TRAPPC9: variants seen among roughly 807,000 people sequenced by gnomAD.
TRAPPC9 encodes IKK2 binding protein.
TRAPPC9 carries 83 observed loss-of-function variants against 124.0 expected under a neutral mutation model. The ratio of observed to expected loss-of-function variants is 0.67; its 90% CI spans 0.56 to 0.80. The LOEUF (loss-of-function observed/expected upper bound fraction) is 0.80. Among genes scored for constraint, TRAPPC9 ranks in the 30% least tolerant of loss-of-function variants. TRAPPC9 has a pLI of 0.00. For missense variants in TRAPPC9, 1,302 were observed against 1,508.3 expected (o/e 0.86, Z 2.27); for synonymous variants, 638 against 617.5 (o/e 1.03, Z -0.49).
At chr8:140,075,425 A>AC (rs1360455909) in intron 17 of TRAPPC9, among the ~76,000 whole-genome samples, 1 of 151,974 alleles carries the variant, frequency 6.6e-6, no homozygotes, top group East Asian at 1.9e-4. Flanking sequence ...TCAGACCTCA[A>AC]CTCTGTCATT....
chr8:139,784,875 G>A (rs567457146), intron 21 of TRAPPC9, among the ~76,000 whole-genome samples: 1 of 151,888 alleles, frequency 6.6e-6, no homozygotes, highest in Non-Finnish European at 1.5e-5. Context: ...AAAGATGTCA[G>A]TTCTCCCCAG....
chr8:140,106,216 G>A (rs1338573219), intron 17 of TRAPPC9, among the ~76,000 whole-genome samples: 2 of 152,072 alleles, frequency 1.3e-5, no homozygotes, highest in South Asian at 2.1e-4. Flanking sequence ...CCATCAGATC[G>A]TGCCATCAGA....
At chr8:139,862,415 G>C (rs1326933461) in intron 21 of TRAPPC9, among the ~76,000 whole-genome samples, 1 of 152,272 alleles carries the variant, frequency 6.6e-6, no homozygotes, top group Non-Finnish European at 1.5e-5. Flanking sequence ...GCCATCCAGT[G>C]ACGGAGCACC....
intron 17 of TRAPPC9, among the ~76,000 whole-genome samples, chr8:140,202,344 G>T (rs1163708579): frequency 6.6e-6 from 1 of 151,954 alleles, no homozygotes; most frequent in Non-Finnish European, 1.5e-5. Context: ...AACAGAAAAG[G>T]GAAATAAAAC....
chr8:140,181,560 G>T (rs1451294825), intron 17 of TRAPPC9, among the ~76,000 whole-genome samples: 1 of 152,230 alleles, frequency 6.6e-6, no homozygotes, highest in East Asian at 1.9e-4. Context: ...CAAAGTGCTG[G>T]AATTACAGGT....
chr8:139,871,264 T>C (rs958659262), intron 21 of TRAPPC9, among the ~76,000 whole-genome samples: 1 of 152,208 alleles, frequency 6.6e-6, no homozygotes, highest in Non-Finnish European at 1.5e-5. Flanking sequence ...TGGGTAGGCA[T>C]AGGGCATGCT....
intron 2 of TRAPPC9, among the ~76,000 whole-genome samples, chr8:140,443,305 G>GCA (rs2071108912): frequency 1.4e-5 from 2 of 146,706 alleles, no homozygotes; most frequent in Admixed American, 1.4e-4. Flanking sequence ...GCGTGGTGGT[G>GCA]GGCGCCTGTA....
At chr8:139,805,571 C>T (rs207470031) in intron 21 of TRAPPC9, among the ~76,000 whole-genome samples, 2 of 152,132 alleles carry the variant, frequency 1.3e-5, no homozygotes, top group Non-Finnish European at 2.9e-5. Flanking sequence ...CTCTGGGAGT[C>T]GGGGCTGGCC....
intron 17 of TRAPPC9, among the ~76,000 whole-genome samples, chr8:140,168,739 C>T (rs533509395): frequency 6.6e-6 from 1 of 152,204 alleles, no homozygotes; most frequent in Non-Finnish European, 1.5e-5. Flanking sequence ...TCCAGGGGAA[C>T]AGGCCTGGGG....
At chr8:140,410,500 C>T (rs60936852) in intron 5 of TRAPPC9, among the ~76,000 whole-genome samples, 1 of 152,058 alleles carries the variant, frequency 6.6e-6, no homozygotes, top group East Asian at 1.9e-4. Context: ...CATGCCACTG[C>T]ACTCCAGCCT....
At chr8:140,044,413 G>A (rs1841457710) in intron 17 of TRAPPC9, among the ~76,000 whole-genome samples, 1 of 152,172 alleles carries the variant, frequency 6.6e-6, no homozygotes, top group Non-Finnish European at 1.5e-5. Context: ...TGGCTTGGAT[G>A]TGCAACTTGC....
chr8:139,839,311 G>A (rs1771013489), intron 21 of TRAPPC9, among the ~76,000 whole-genome samples: 1 of 152,240 alleles, frequency 6.6e-6, no homozygotes, highest in African/African-American at 2.4e-5. Flanking sequence ...ACTCTGGAAT[G>A]AGACACCGGG....
intron 20 of TRAPPC9, among the ~76,000 whole-genome samples, chr8:139,896,674 ACCTGGAAACCAGGAG>A (rs1319736241): frequency 6.6e-6 from 1 of 152,194 alleles, no homozygotes; most frequent in Non-Finnish European, 1.5e-5. Context: ...CTCACCGTAA[ACCTGGAAACCAGGAG>A]CCATGAGTCC....
rs578250753 is a variant in TRAPPC9, at chr8:140,169,117, G to A, written c.2556+52342C>T. Among the ~76,000 whole-genome samples, 37 of 150,638 alleles carry A rather than the reference G, an allele frequency of 2.5e-4. No homozygotes were observed. The South Asian group carries it at 7.7e-3, about 32-fold the overall frequency. ...AGCCTGTACATCTCTGAGGAAGCTG[G>A]GAAAAATTCATTTATTTTTAAGTAA... On this transcript the variant is annotated intron_variant, in intron 17 of 22. Transcript: ENST00000438773.
At position 140,043,331 on chromosome 8, in the gene TRAPPC9, T is replaced by G. The variant is rs537049406; in HGVS notation, c.2557-19252A>C. On this transcript the variant is annotated intron_variant, in intron 17 of 22. Transcript: ENST00000438773. The stretch of plus-strand genomic sequence containing the variant: ...TAAATTCAGTTTTGTTTAATCATCT[T>G]GTGGCTAAAGCCTCAAAGCCATCCT... Among the ~76,000 whole-genome samples, 10 of 152,366 alleles carry G rather than the reference T, an allele frequency of 6.6e-5. 1 individual carries two copies. Among genetic ancestry groups the G allele is most frequent in the Admixed American group, 2.6e-4 (4 of 15,308 alleles).
In TRAPPC9 at chr8:140,033,685, T is replaced by TTG. The variant is rs1563706946; in HGVS notation, c.2557-9607_2557-9606insCA. Among the ~76,000 whole-genome samples the TTG allele has an allele frequency of 1.6e-4, 19 of 117,376 alleles. 1 individual carries two copies. Among genetic ancestry groups the TTG allele is most frequent in the East Asian group, 1.5e-3 (6 of 4,096 alleles). 77.0% of individuals were successfully genotyped at this position (117,376 alleles called of 152,430 possible). On this transcript the variant is annotated intron_variant, in intron 17 of 22. Coordinates refer to ENST00000438773, the MANE Select transcript of TRAPPC9 (RefSeq NM_001160372.4). Reference sequence around the variant, plus strand: ...TTTTTTTTTTTTTTTTTTTTTTTTTTTTTTTTTTTTTTTTGAGACAGAGTC... The same window carrying TTG: ...TTTTTTTTTTTTTTTTTTTTTTTTTTTGTTTTTTTTTTTTTTGAGACAGAGTC...
chr8:140,422,280 A>C (rs2070243848), intron 5 of TRAPPC9, among the ~76,000 whole-genome samples: 1 of 151,528 alleles, frequency 6.6e-6, no homozygotes, highest in African/African-American at 2.4e-5. Context: ...GAGCACCTTA[A>C]GTCGTAGATA....
chr8:140,383,358 C>T (rs1031896447), intron 7 of TRAPPC9, among the ~76,000 whole-genome samples: 2 of 152,144 alleles, frequency 1.3e-5, no homozygotes, highest in Non-Finnish European at 2.9e-5. Flanking sequence ...GATGACCAAA[C>T]TTCTCCAAGC....
chr8:139,773,725 T>C (rs932869720), intron 21 of TRAPPC9, among the ~76,000 whole-genome samples: 9 of 152,232 alleles, frequency 5.9e-5, no homozygotes, highest in African/African-American at 1.2e-4. Flanking sequence ...CAGCCACCTC[T>C]GTAGTCCTCT....
Sources: allele counts gnomAD v4.1 joint callset (sites outside exome capture counted in the v4.1 genomes callset), GRCh38; gene constraint gnomAD v4.1.1; transcripts MANE v1.5; gene names NCBI Gene and HGNC (gene_info 2026-07-23, HGNC 2026-07-21).